The following COL4A5 variants were observed in gnomAD, a reference collection of about 807,000 sequenced individuals.
The protein encoded by COL4A5 is collagen alpha-5(IV) chain.
A neutral mutation model predicts 130.2 loss-of-function variants in COL4A5; 26 were observed. The observed-to-expected ratio is 0.20, with a 90% CI of 0.15 to 0.28. The LOEUF is 0.28. Ranked by LOEUF, COL4A5 falls within the 10% of genes least tolerant of loss-of-function variation. The pLI, the probability that COL4A5 is intolerant of heterozygous loss-of-function variation, is 1.00. For synonymous variants in COL4A5, 496 were observed against 439.6 expected, an observed-to-expected ratio of 1.13 and a Z score of -1.60; for missense variants, 1,131 against 1,344.3, an observed-to-expected ratio of 0.84 and a Z score of 2.48.
rs760895577 is a variant in COL4A5 at position 108,655,401 on chromosome X, C to G, written c.3317C>G (p.Pro1106Arg). 8.3e-7 allele frequency: 1 copy of G among 1,209,276 alleles called. No individual in the cohort carries two copies. Among genetic ancestry groups the G allele is most frequent in the Admixed American group, 2.2e-5 (1 of 45,702 alleles). Residue 1106 changes from proline (P) to arginine (R), a missense_variant, in exon 37 of 53, where the codon CCC (proline) becomes CGC (arginine). Transcript: ENST00000328300. ...GGTTCTGTGGGAGATCCTGGTTTGC[C>G]CGGATTACCAGGAACCCCTGGAGCA... Reference protein sequence around the residue: ...IKGSVGDPGLPGLPGTPGAKG... With the variant: ...IKGSVGDPGLRGLPGTPGAKG...
intron 1 of COL4A5, among the ~76,000 whole-genome samples, chrX:108,454,415 T>G (rs1405777856): frequency 9.0e-6 from 1 of 110,552 alleles, no homozygotes; most frequent in East Asian, 2.8e-4. Context: ...GTAGCTGGGA[T>G]TACAGGCGCC....
chrX:108,667,205 TA>T (rs778629386), intron 40 of COL4A5, 22 bp downstream of exon 40: 1 of 1,145,464 alleles, frequency 8.7e-7, no homozygotes, highest in Non-Finnish European at 1.2e-6. Flanking sequence ...TAAAACATGC[TA>T]AATCAATCTA....
At chrX:108,447,000 C>T (rs1048510629) in intron 1 of COL4A5, among the ~76,000 whole-genome samples, 13 of 111,397 alleles carry the variant, frequency 1.2e-4, no homozygotes, top group African/African-American at 4.3e-4. Flanking sequence ...TCCACAAATA[C>T]CTCTCCTACT....
chrX:108,501,834 C>T (rs1416014448), intron 1 of COL4A5, among the ~76,000 whole-genome samples: 1 of 111,657 alleles, frequency 9.0e-6, no homozygotes, highest in Non-Finnish European at 1.9e-5. Context: ...GTTATTGACT[C>T]TTTTTTTTGG....
intron 1 of COL4A5, among the ~76,000 whole-genome samples, chrX:108,460,236 T>G (rs1454123818): frequency 5.4e-5 from 6 of 111,871 alleles, no homozygotes; most frequent in African/African-American, 1.6e-4. Context: ...TATGTTAATT[T>G]TCATTACTTT....
intron 1 of COL4A5, among the ~76,000 whole-genome samples, chrX:108,447,458 C>G (rs192363654): frequency 3.6e-5 from 4 of 111,965 alleles, no homozygotes; most frequent in African/African-American, 1.3e-4. Context: ...TTTGCCAGCC[C>G]TATAGCTTGC....
At chrX:108,685,422 G>T (rs1235571002) in intron 47 of COL4A5, among the ~76,000 whole-genome samples, 1 of 112,173 alleles carries the variant, frequency 8.9e-6, no homozygotes, top group Non-Finnish European at 1.9e-5. Flanking sequence ...GTTACTGTTA[G>T]CCCCTCTGGC....
In COL4A5 at chrX:108,644,621, C is replaced by T. The variant is rs73253692; in HGVS notation, c.3247-10710C>T. On this transcript the variant is annotated intron_variant, in intron 36 of 52. Transcript: ENST00000328300. ...GAATTTAAACAACTTCCTCTCGGGC[C>T]GGGCATGGTGGCTCACGCCTGTAAT... Among the ~76,000 whole-genome samples the T allele has an allele frequency of 4.8e-3, 536 of 111,666 alleles. 2 individuals carry two copies. Among genetic ancestry groups the T allele is most frequent in the South Asian group, 0.014 (38 of 2,639 alleles).
At chrX:108,615,265 G>A (rs2066907001) in intron 30 of COL4A5, among the ~76,000 whole-genome samples, 1 of 111,700 alleles carries the variant, frequency 9.0e-6, no homozygotes, top group Non-Finnish European at 1.9e-5. Flanking sequence ...CAATTGCAGT[G>A]TATTATTGAT....
At chrX:108,525,513 G>A (rs755203654) in intron 1 of COL4A5, among the ~76,000 whole-genome samples, 25 of 110,815 alleles carry the variant, frequency 2.3e-4, no homozygotes, top group East Asian at 8.5e-4. Context: ...ATTTTTGTCC[G>A]TAATTTCACT....
intron 1 of COL4A5, chrX:108,462,890 C>T (rs1391389400): frequency 6.2e-5 from 7 of 112,186 alleles, no homozygotes; most frequent in Non-Finnish European, 1.3e-4. Flanking sequence ...AATTTGTATG[C>T]ACTCTTTTTT....
At chrX:108,477,814 TCAAAAAAAAAAAAAAAAAAAAGAAGAA>T (rs2064850441) in intron 1 of COL4A5, among the ~76,000 whole-genome samples, 1 of 71,774 alleles carries the variant, frequency 1.4e-5, no homozygotes, top group South Asian at 7.6e-4. Context: ...AGACTTTGTC[TCAAAAAAAAAAAAAAAAAAAAGAAGAA>T]GGAGAAATAC....
At chrX:108,558,245 T>G (rs2065854864) in intron 2 of COL4A5, among the ~76,000 whole-genome samples, 1 of 110,539 alleles carries the variant, frequency 9.0e-6, no homozygotes, top group Non-Finnish European at 1.9e-5. Context: ...TGATGAATTA[T>G]CTTTGTGTAA....
In COL4A5 at chrX:108,595,499, A is replaced by T. The variant is rs1270305636; in HGVS notation, c.1424-10A>T. 2 of 1,207,483 alleles carry T rather than the reference A, an allele frequency of 1.7e-6. No individual in the cohort carries two copies. The highest frequency in any genetic ancestry group is 3.0e-5 in the East Asian group (1 of 33,752). Reference sequence around the variant, plus strand: ...TCAGTAAAATTTGTTTGTTATTATGATTTCACTAGGTGACAAAGGTGACAC... The same window carrying T: ...TCAGTAAAATTTGTTTGTTATTATGTTTTCACTAGGTGACAAAGGTGACAC... On this transcript the variant is annotated splice_polypyrimidine_tract_variant and intron_variant, in intron 21 of 52. Transcript: ENST00000328300.
intron 1 of COL4A5, among the ~76,000 whole-genome samples, chrX:108,455,029 A>C (rs988191449): frequency 8.9e-6 from 1 of 112,332 alleles, no homozygotes; most frequent in Non-Finnish European, 1.9e-5. Flanking sequence ...CCATCACAAC[A>C]TTCAAGATAA....
intron 38 of COL4A5, among the ~76,000 whole-genome samples, chrX:108,665,934 C>A (rs1334017462): frequency 1.8e-5 from 2 of 110,801 alleles, no homozygotes; most frequent in Non-Finnish European, 3.8e-5. Flanking sequence ...CTCCTGTAAT[C>A]CCAGCTACTT....
At chrX:108,633,125 A>C (rs2067296237) in intron 36 of COL4A5, among the ~76,000 whole-genome samples, 2 of 111,777 alleles carry the variant, frequency 1.8e-5, no homozygotes, top group African/African-American at 6.5e-5. Context: ...AAGTAACTTC[A>C]GCAAAGTCTC....
chrX:108,556,237 A>G (rs1053972573), intron 2 of COL4A5, among the ~76,000 whole-genome samples: 9 of 111,750 alleles, frequency 8.1e-5, no homozygotes, highest in African/African-American at 2.6e-4. Flanking sequence ...TCATATTATC[A>G]TTGAGAGTAT....
chrX:108,497,411 ACT>A (rs2065044799), intron 1 of COL4A5, among the ~76,000 whole-genome samples: 1 of 111,160 alleles, frequency 9.0e-6, no homozygotes, highest in Admixed American at 9.6e-5. Flanking sequence ...TGATGTGGTA[ACT>A]CTATGTGTAA....
Sources: gnomAD v4.1 joint callset for allele counts (sites outside exome capture counted in the v4.1 genomes callset) on GRCh38, gnomAD v4.1.1 for gene constraint, MANE v1.5 for transcripts, NCBI Gene and HGNC (gene_info 2026-07-23, HGNC 2026-07-21) for gene names.